ZNF90: variants seen among roughly 807,000 people sequenced by gnomAD.
ZNF90 encodes the protein zinc finger protein 90, also known as zinc finger protein HTF9.
A neutral mutation model predicts 12.0 loss-of-function variants in ZNF90; 11 were observed. The observed-to-expected ratio is 0.92, with a 90% CI of 0.58 to 1.52. The LOEUF (loss-of-function observed/expected upper bound fraction) is 1.52. Ranked by LOEUF, ZNF90 falls within the 40% of genes most tolerant of loss-of-function variation. The probability of loss-of-function intolerance (pLI) is 0.00; values close to 1 mark genes in which losing one functional copy is unlikely to be tolerated. For missense variants in ZNF90, 765 were observed against 711.5 expected (o/e 1.08, Z -0.86); for synonymous variants, 232 against 240.1 (o/e 0.97, Z 0.31).
intron 1 of ZNF90, among the ~76,000 whole-genome samples, chr19:20,094,726 G>A (rs191673285): frequency 6.6e-6 from 1 of 152,282 alleles, no homozygotes; most frequent in East Asian, 1.9e-4. Flanking sequence ...AAGTCAGGAT[G>A]ACATTTAAGT....
At chr19:20,090,358 C>T (rs1191606338) in intron 1 of ZNF90, among the ~76,000 whole-genome samples, 4 of 151,548 alleles carry the variant, frequency 2.6e-5, no homozygotes. Flanking sequence ...TACTGTTCTT[C>T]AGAAATACGA....
chr19:20,106,881 G>T (rs1301785402), intron 3 of ZNF90: 3 of 454,428 alleles, frequency 6.6e-6, no homozygotes, highest in Non-Finnish European at 1.3e-5. Flanking sequence ...TCTGCACTAG[G>T]GTCCACCTTT....
At chr19:20,100,365 A>G (rs1338197483) in intron 1 of ZNF90, among the ~76,000 whole-genome samples, 1 of 152,228 alleles carries the variant, frequency 6.6e-6, no homozygotes, top group Non-Finnish European at 1.5e-5. Flanking sequence ...AAGTGTGCCA[A>G]AAAAATAATC....
At chr19:20,106,137 AT>A (rs1170172182) in intron 3 of ZNF90, among the ~76,000 whole-genome samples, 1 of 138,230 alleles carries the variant, frequency 7.2e-6, no homozygotes, top group Non-Finnish European at 1.5e-5. Context: ...AGTAAATAAG[AT>A]TTTTTCTTTT....
intron 1 of ZNF90, among the ~76,000 whole-genome samples, chr19:20,098,540 G>T (rs868992531): frequency 6.6e-6 from 1 of 152,146 alleles, no homozygotes. Context: ...TGTGATACTG[G>T]AGTAGAGTAT....
At chr19:20,101,133 C>A (rs1460405419) in intron 1 of ZNF90, among the ~76,000 whole-genome samples, 11 of 152,322 alleles carry the variant, frequency 7.2e-5, no homozygotes, top group Non-Finnish European at 1.6e-4. Flanking sequence ...CACCCCTCCC[C>A]CTCCGGATCC....
chr19:20,081,517 G>A (rs1300284247), intron 1 of ZNF90, among the ~76,000 whole-genome samples: 2 of 152,080 alleles, frequency 1.3e-5, no homozygotes, highest in Non-Finnish European at 2.9e-5. Context: ...TTCTTGCCAA[G>A]AACCCACAAG....
intron 3 of ZNF90, chr19:20,106,916 G>A (rs143793915): frequency 4.4e-6 from 2 of 454,564 alleles, no homozygotes; most frequent in Non-Finnish European, 8.8e-6. Context: ...AGGGGCTTGG[G>A]TTGTTGTAAT....
chr19:20,118,927 G>T lies in ZNF90; in HGVS notation c.1373G>T (p.Cys458Phe). The T allele has an allele frequency of 1.9e-6, 3 of 1,613,488 alleles. No individual in the cohort carries two copies. In the South Asian group the frequency reaches 3.3e-5, roughly 18 times the overall value. The stretch of plus-strand genomic sequence containing the variant: ...GAGAAACCCTACAAATGTGAAGAAT[G>T]TGGCAAAGCCTTCAAGCGCTCCTCA... ...SGEKPYKCEE[C>F]GKAFKRSSNL... The change falls in exon 4 of 4, where the codon TGT becomes TTT. Residue 458 changes from cysteine to phenylalanine, a missense_variant. Physicochemically the swap from Cys to Phe is radical, Grantham distance 205 (BLOSUM62 -2). Transcript: ENST00000418063.
At chr19:20,112,193 A>G (rs1318024801) in intron 3 of ZNF90, among the ~76,000 whole-genome samples, 1 of 151,324 alleles carries the variant, frequency 6.6e-6, no homozygotes, top group African/African-American at 2.4e-5. Flanking sequence ...TTTATATTCT[A>G]TAAAAAAGAA....
At chr19:20,103,898 C>A (rs1380607878) in intron 1 of ZNF90, among the ~76,000 whole-genome samples, 2 of 152,084 alleles carry the variant, frequency 1.3e-5, no homozygotes, top group African/African-American at 4.8e-5. Context: ...TTCTAAGTCA[C>A]CGTGTCTTTT....
At chr19:20,084,610 G>A (rs112627217) in intron 1 of ZNF90, among the ~76,000 whole-genome samples, 2 of 152,160 alleles carry the variant, frequency 1.3e-5, no homozygotes, top group African/African-American at 4.8e-5. Context: ...CCCACCAGAA[G>A]AGTATAAGCA....
chr19:20,101,923 A>G (rs925998135), intron 1 of ZNF90, among the ~76,000 whole-genome samples: 2 of 152,206 alleles, frequency 1.3e-5, no homozygotes, highest in East Asian at 3.9e-4. Context: ...TAAAATTCTT[A>G]TGGTAGTCAA....
At chr19:20,107,149 T>C (rs1555704579) in intron 3 of ZNF90, 3 of 384,068 alleles carry the variant, frequency 7.8e-6, no homozygotes, top group East Asian at 1.4e-4. Context: ...TAACTGACAC[T>C]GAGTCATTGA....
chr19:20,115,235 A>G (rs955770700), intron 3 of ZNF90, among the ~76,000 whole-genome samples: 4 of 152,154 alleles, frequency 2.6e-5, no homozygotes. Flanking sequence ...TAGAAAGGCA[A>G]GTTAAATCTT....
chr19:20,097,652 C>CTT (rs2088959415), intron 1 of ZNF90, among the ~76,000 whole-genome samples: 5 of 152,184 alleles, frequency 3.3e-5, no homozygotes, highest in African/African-American at 1.2e-4. Context: ...AAACATGCTG[C>CTT]CACTCCATCC....
At chr19:20,088,987 G>A (rs2122483314) in intron 1 of ZNF90, among the ~76,000 whole-genome samples, 1 of 152,284 alleles carries the variant, frequency 6.6e-6, no homozygotes, top group Non-Finnish European at 1.5e-5. Context: ...GTGTACATGT[G>A]CCTGTCCAAT....
intron 2 of ZNF90, among the ~76,000 whole-genome samples, chr19:20,105,020 A>G (rs1283906452): frequency 1.3e-5 from 2 of 152,066 alleles, no homozygotes; most frequent in Non-Finnish European, 2.9e-5. Flanking sequence ...CAAAAAACAA[A>G]ACAAAACAAA....
rs1292974270 is a variant in ZNF90 at position 20,104,102 on chromosome 19, GT to G, written c.4-133del. On this transcript the variant is annotated intron_variant, in intron 1 of 3. Transcript: ENST00000418063. The stretch of plus-strand genomic sequence containing the variant: ...AGAAAATATTTTTGTGTTGGAAATT[GT>G]TTTATTGGATAATTTAGTGAGTCTT... The G allele has an allele frequency of 3.1e-6, 4 of 1,298,192 alleles. No homozygotes were observed. The East Asian group carries it at 9.8e-5, about 32-fold the overall frequency. The allele number at this position is 1,298,192 out of a possible 1,614,324, so 80.4% of individuals were successfully genotyped here.
Sources: allele counts gnomAD v4.1 joint callset (sites outside exome capture counted in the v4.1 genomes callset), GRCh38; gene constraint gnomAD v4.1.1; transcripts MANE v1.5; gene names NCBI Gene and HGNC (gene_info 2026-07-23, HGNC 2026-07-21).